OPRL1: variants seen among roughly 807,000 people sequenced by gnomAD.
OPRL1 encodes the protein nociceptin receptor.
Under a neutral mutation model 15.5 loss-of-function variants are expected in OPRL1, and 5 were observed. That is an observed-to-expected ratio of 0.32 (90% CI 0.17 to 0.68). OPRL1 has a LOEUF of 0.68. OPRL1 is among the 30% of genes least tolerant of loss of function. The pLI is 0.72. For synonymous variants in OPRL1, 223 were observed against 230.2 expected, an observed-to-expected ratio of 0.97 and a Z score of 0.28; for missense variants, 406 against 515.3, an observed-to-expected ratio of 0.79 and a Z score of 2.05.
chr20:64,084,152 C>T (rs2060012769), intron 1 of OPRL1: 5 of 1,454,848 alleles, frequency 3.4e-6, no homozygotes, highest in Non-Finnish European at 4.5e-6. Context: ...CTGCGCCGTG[C>T]CTGGCGCGCT....
intron 1 of OPRL1, chr20:64,084,196 G>T (rs1418575372): frequency 1.4e-6 from 2 of 1,430,274 alleles, no homozygotes; most frequent in South Asian, 1.4e-5. Flanking sequence ...CCTTGCGCCC[G>T]CCCTCCTTCG....
chr20:64,091,513 C>T (rs1357603716), intron 1 of OPRL1, among the ~76,000 whole-genome samples: 2 of 152,218 alleles, frequency 1.3e-5, no homozygotes, highest in Non-Finnish European at 2.9e-5. Context: ...TGGGCCAGTG[C>T]CGTGTCCTGG....
Position 64,083,775 on chromosome 20 carries a change from G to T in OPRL1, c.-185+3423G>T. 1 of 1,315,250 alleles carries T rather than the reference G, an allele frequency of 7.6e-7. No homozygotes were observed. The allele number at this position is 1,315,250 out of a possible 1,614,324, so 81.5% of individuals were successfully genotyped here. ...CCCGCCCCGGCCGGCTCCGCTCAAC[G>T]CTCCCGGTGCGCCCCCTCTGCCCTC... On this transcript the variant is annotated intron_variant, in intron 1 of 4. Transcript: ENST00000336866. This position sits in a 1 kb window ranked among gnomAD's most constrained non-coding sequence, Gnocchi z 4.9.
At chr20:64,080,701 G>A (rs2059957339) in intron 1 of OPRL1, among the ~76,000 whole-genome samples, 1 of 152,130 alleles carries the variant, frequency 6.6e-6, no homozygotes, top group African/African-American at 2.4e-5. Context: ...TTGGCCCTGT[G>A]TCAGGGTGGC....
At chr20:64,096,358 T>TCC (rs1979109771) in intron 3 of OPRL1, among the ~76,000 whole-genome samples, 1 of 152,100 alleles carries the variant, frequency 6.6e-6, no homozygotes, top group Admixed American at 6.5e-5. Context: ...GTCAGGACAC[T>TCC]CCGTTCTGAG....
chr20:64,081,953 G>A (rs2059972479), intron 1 of OPRL1, among the ~76,000 whole-genome samples: 1 of 152,142 alleles, frequency 6.6e-6, no homozygotes, highest in African/African-American at 2.4e-5. Context: ...TGGAGCACTT[G>A]CTGCTGTGGG....
In OPRL1 at chr20:64,092,917, T is replaced by C. The variant is rs772932512; in HGVS notation, c.197T>C (p.Leu66Pro). 3.1e-6 allele frequency: 5 copies of C among 1,612,570 alleles called. No individual in the cohort carries two copies. The highest frequency in any genetic ancestry group is 4.2e-6 in the Non-Finnish European group (5 of 1,179,926). ...GLYLAVCVGGLLGNCLVMYVI... is the reference protein window; with the variant it reads ...GLYLAVCVGGPLGNCLVMYVI... ...TACCTGGCCGTGTGTGTCGGAGGGC[T>C]CCTGGGGAACTGCCTTGTCATGTAC... The change falls in exon 3 of 5, where the codon CTC becomes CCC. Residue 66 changes from leucine to proline, a missense_variant. Transcript: ENST00000336866.
intron 1 of OPRL1, chr20:64,085,104 G>A (rs961680102): frequency 6.6e-6 from 1 of 152,250 alleles, no homozygotes; most frequent in Non-Finnish European, 1.5e-5. Context: ...CCCCTCATAG[G>A]GGTCATTGGG....
rs368400897 is a variant in OPRL1, at chr20:64,092,821, C to T, written c.101C>T (p.Pro34Leu). Residue 34 changes from proline to leucine, a missense_variant, in exon 3 of 5, where the codon CCG becomes CTG. Transcript: ENST00000336866. ...AGCCCCAACCACAGTCTGCTGCCCC[C>T]GCATCTGCTGCTCAATGCCAGCCAC... Reference protein sequence around the residue: ...LLSPNHSLLPPHLLLNASHGA... With the variant: ...LLSPNHSLLPLHLLLNASHGA... The T allele has an allele frequency of 3.1e-6, 5 of 1,612,672 alleles. No homozygotes were observed. The highest frequency in any genetic ancestry group is 1.7e-5 in the Admixed American group (1 of 60,012).
chr20:64,092,804 CCA>C lies in OPRL1; in HGVS notation c.87_88del (p.His29GlnfsTer63). ...GCAACCTGTCCCTCCTGAGCCCCAA[CCA>C]CAGTCTGCTGCCCCCGCATCTGCTG... ...QGNLSLLSPN[H>X]SLLPPHLLLN... On this transcript the variant is annotated frameshift_variant, in exon 3 of 5. Coordinates refer to ENST00000336866, the MANE Select transcript of OPRL1 (RefSeq NM_182647.4). LOFTEE classifies it high-confidence loss of function. 3 of 1,612,796 alleles carry C rather than the reference CCA, an allele frequency of 1.9e-6. No individual in the cohort carries two copies. The highest frequency in any genetic ancestry group is 2.5e-6 in the Non-Finnish European group (3 of 1,179,960).
chr20:64,083,564 T>C lies in OPRL1; in HGVS notation c.-185+3212T>C, dbSNP rs746318331. The C allele has an allele frequency of 1.6e-5, 25 of 1,525,486 alleles. No homozygotes were observed. The highest frequency in any genetic ancestry group is 2.1e-5 in the Admixed American group (1 of 47,272). 94.5% of individuals were successfully genotyped at this position (1,525,486 alleles called of 1,614,324 possible). A position where few individuals can be genotyped will look rare whatever the true frequency, so the allele number is the denominator to read the frequency against. ...AGGGCCCCTCCCCTTTCCCCGCCCC[T>C]ACCGGGGCTTGTCTGCACCTCTTGG... On this transcript the variant is annotated intron_variant, in intron 1 of 4. Coordinates refer to ENST00000336866, the MANE Select transcript of OPRL1 (RefSeq NM_182647.4). The surrounding 1 kb of genome is among the most constrained non-coding windows in gnomAD (Gnocchi z 4.9).
intron 3 of OPRL1, 63 bp downstream of exon 3, chr20:64,093,016 G>C (rs1978387007): frequency 6.9e-7 from 1 of 1,446,220 alleles, no homozygotes; most frequent in Non-Finnish European, 9.6e-7. Flanking sequence ...GGGAAACTGA[G>C]ACGGGGTCTG....
At chr20:64,080,822 T>C (rs1464404120) in intron 1 of OPRL1, among the ~76,000 whole-genome samples, 1 of 152,212 alleles carries the variant, frequency 6.6e-6, no homozygotes, top group Non-Finnish European at 1.5e-5. Flanking sequence ...ACCCGGATAG[T>C]TCCCAGTGTC....
intron 1 of OPRL1, chr20:64,084,082 C>T: frequency 6.7e-7 from 1 of 1,491,356 alleles, no homozygotes; most frequent in South Asian, 1.3e-5. Context: ...CCTGCGGCGT[C>T]AGGGCCCAGC....
chr20:64,086,476 C>A (rs573103919), intron 1 of OPRL1: 8 of 196,030 alleles, frequency 4.1e-5, no homozygotes, highest in African/African-American at 1.7e-4. Flanking sequence ...CCCAGCAGGC[C>A]GACACCTCCC....
In OPRL1 at chr20:64,090,199, C is replaced by G. The variant is rs2060106143; in HGVS notation, c.-184-1767C>G. ...TCTGCATTTCTGAGTGTGTACCCATCCATGTCTCTGTGTGTTCACCCGTAT... is the reference window on the plus strand; with the variant it reads ...TCTGCATTTCTGAGTGTGTACCCATGCATGTCTCTGTGTGTTCACCCGTAT... On this transcript the variant is annotated intron_variant, in intron 1 of 4. Coordinates refer to ENST00000336866, the MANE Select transcript of OPRL1 (RefSeq NM_182647.4). This position sits in a 1 kb window ranked among gnomAD's most constrained non-coding sequence, Gnocchi z 4.9. Among the ~76,000 whole-genome samples, 1 of 152,204 alleles carries G rather than the reference C, an allele frequency of 6.6e-6. No individual in the cohort carries two copies. Among genetic ancestry groups the G allele is most frequent in the African/African-American group, 2.4e-5 (1 of 41,438 alleles).
rs1336649716 is a variant in OPRL1 at position 64,092,714 on chromosome 20, C to T, written c.-7C>T. On this transcript the variant is annotated 5_prime_UTR_variant, in exon 3 of 5. Coordinates refer to ENST00000336866, the MANE Select transcript of OPRL1 (RefSeq NM_182647.4). ...TACCGTACAGAGTGGATTTGCAGGG[C>T]AGTGGCATGGAGCCCCTCTTCCCCG... 1.9e-6 allele frequency: 3 copies of T among 1,610,096 alleles called. No homozygotes were observed. Among genetic ancestry groups the T allele is most frequent in the Non-Finnish European group, 2.5e-6 (3 of 1,178,458 alleles).
In OPRL1 at chr20:64,092,842, G is replaced by C. The variant is rs371951246; in HGVS notation, c.122G>C (p.Ser41Thr). The change falls in exon 3 of 5, where the codon AGC (serine) becomes ACC (threonine). Residue 41 changes from serine (S) to threonine (T), a missense_variant. Physicochemically the swap from Ser to Thr is moderately conservative, Grantham distance 58 (BLOSUM62 1). Coordinates refer to ENST00000336866, the MANE Select transcript of OPRL1 (RefSeq NM_182647.4). ...LLPPHLLLNA[S>T]HGAFLPLGLK... The stretch of plus-strand genomic sequence containing the variant: ...CCCCCGCATCTGCTGCTCAATGCCA[G>C]CCACGGCGCCTTCCTGCCCCTCGGG... 3.3e-4 allele frequency: 525 copies of C among 1,612,670 alleles called. No individual in the cohort carries two copies. Among genetic ancestry groups the C allele is most frequent in the Non-Finnish European group, 4.1e-4 (489 of 1,179,958 alleles).
Position 64,083,389 on chromosome 20 carries a change from A to G in OPRL1, c.-185+3037A>G. ...GACCAGCGAGCCTTCGGAGAATTAT[A>G]ACTTTATGTGGGAGGCTGGGGCGCG... On this transcript the variant is annotated intron_variant, in intron 1 of 4. Coordinates refer to ENST00000336866, the MANE Select transcript of OPRL1 (RefSeq NM_182647.4). The surrounding 1 kb of genome is among the most constrained non-coding windows in gnomAD (Gnocchi z 4.9). The G allele has an allele frequency of 1.9e-6, 3 of 1,610,706 alleles. No homozygotes were observed. The highest frequency in any genetic ancestry group is 2.5e-6 in the Non-Finnish European group (3 of 1,179,090).
Sources: gnomAD v4.1 joint callset for allele counts (sites outside exome capture counted in the v4.1 genomes callset) on GRCh38, gnomAD v4.1.1 for gene constraint, Gnocchi (gnomAD v3.1) non-coding constraint, MANE v1.5 for transcripts, NCBI Gene and HGNC (gene_info 2026-07-23, HGNC 2026-07-21) for gene names.